Variants in TBC1D22A observed in about 807,000 individuals in gnomAD.
The protein encoded by TBC1D22A is putative GTPase activator.
A neutral mutation model predicts 60.2 loss-of-function variants in TBC1D22A; 38 were observed. That is an observed-to-expected ratio of 0.63 (90% CI 0.49 to 0.83). The LOEUF (loss-of-function observed/expected upper bound fraction) is 0.83, where lower values mean the gene tolerates loss of function less well. Ranked by LOEUF, TBC1D22A falls within the 40% of genes least tolerant of loss-of-function variation. The pLI, the probability that TBC1D22A is intolerant of heterozygous loss-of-function variation, is 0.00. For missense variants in TBC1D22A, 628 were observed against 701.0 expected, an observed-to-expected ratio of 0.90 and a Z score of 1.18; for synonymous variants, 302 against 281.7, an observed-to-expected ratio of 1.07 and a Z score of -0.72.
At chr22:47,017,507 G>T (rs936446667) in intron 10 of TBC1D22A, among the ~76,000 whole-genome samples, 10 of 152,068 alleles carry the variant, frequency 6.6e-5, no homozygotes, top group African/African-American at 2.2e-4. Context: ...GAGGAGGTGG[G>T]CTCTGGGCAC....
At chr22:46,984,475 T>C (rs1339003320) in intron 9 of TBC1D22A, among the ~76,000 whole-genome samples, 1 of 151,590 alleles carries the variant, frequency 6.6e-6, no homozygotes, top group Non-Finnish European at 1.5e-5. Flanking sequence ...TTGCCAGTCT[T>C]TTCATTTCAC....
At chr22:47,148,943 C>T (rs557649751) in intron 12 of TBC1D22A, among the ~76,000 whole-genome samples, 7 of 152,050 alleles carry the variant, frequency 4.6e-5, no homozygotes, top group Non-Finnish European at 8.8e-5. Context: ...TAGGGGGCCA[C>T]GGCTTCCCAT....
In TBC1D22A at chr22:47,045,022, C is replaced by T. The variant is rs895909761; in HGVS notation, c.1329+7824C>T. On this transcript the variant is annotated intron_variant, in intron 11 of 12. Transcript: ENST00000337137. ...AGGAAAGAATGACTCTCCAAGTGGGCGCTCGGGACCCCTGTCAGCCTCCAT... is the reference window on the plus strand; with the variant it reads ...AGGAAAGAATGACTCTCCAAGTGGGTGCTCGGGACCCCTGTCAGCCTCCAT... Among the ~76,000 whole-genome samples the T allele has an allele frequency of 3.3e-5, 5 of 152,332 alleles. No individual in the cohort carries two copies. In the East Asian group the frequency reaches 9.7e-4, roughly 29 times the overall value.
At chr22:46,765,796 C>G (rs911799618) in intron 1 of TBC1D22A, among the ~76,000 whole-genome samples, 1 of 74,328 alleles carries the variant, frequency 1.3e-5, no homozygotes, top group Non-Finnish European at 2.7e-5. Flanking sequence ...TTTTTTTTTT[C>G]TGAGACAAGA....
intron 2 of TBC1D22A, chr22:46,792,794 G>A: frequency 3.4e-6 from 5 of 1,456,690 alleles, no homozygotes; most frequent in Non-Finnish European, 4.5e-6. Flanking sequence ...GCCACAGCCT[G>A]ATGTGGGGAG....
At chr22:46,848,581 C>A (rs561652231) in intron 4 of TBC1D22A, among the ~76,000 whole-genome samples, 1 of 152,216 alleles carries the variant, frequency 6.6e-6, no homozygotes, top group Non-Finnish European at 1.5e-5. Flanking sequence ...AGACAGGAAT[C>A]CAGGTAGGCT....
At chr22:46,830,154 A>G (rs1035543052) in intron 4 of TBC1D22A, among the ~76,000 whole-genome samples, 13 of 152,212 alleles carry the variant, frequency 8.5e-5, no homozygotes, top group African/African-American at 3.1e-4. Flanking sequence ...TGTGGGCATC[A>G]GGCGTGCCGC....
chr22:47,066,424 AG>A (rs2063776055), intron 11 of TBC1D22A, among the ~76,000 whole-genome samples: 1 of 149,060 alleles, frequency 6.7e-6, no homozygotes, highest in Admixed American at 6.6e-5. Context: ...GGAGGGAGGG[AG>A]GGCCAAGCTT....
At chr22:47,037,635 A>T (rs2337166) in intron 11 of TBC1D22A, among the ~76,000 whole-genome samples, 83,578 of 152,058 alleles carry the variant, frequency 0.55, 25,490 homozygotes, top group Middle Eastern at 0.74. Context: ...CATCTCAAAA[A>T]ATAAATAAAT....
chr22:46,855,605 G>A (rs1040891060), intron 4 of TBC1D22A, among the ~76,000 whole-genome samples: 4 of 152,158 alleles, frequency 2.6e-5, no homozygotes, highest in African/African-American at 4.8e-5. Context: ...TCCCTTTCAC[G>A]GAGTAGCAGT....
intron 4 of TBC1D22A, among the ~76,000 whole-genome samples, chr22:46,832,389 G>A (rs927572838): frequency 6.6e-6 from 1 of 152,234 alleles, no homozygotes; most frequent in Non-Finnish European, 1.5e-5. Flanking sequence ...AGTGGCTCAC[G>A]CCTGTAATCC....
chr22:47,100,044 C>T lies in TBC1D22A; in HGVS notation c.1330-11464C>T, dbSNP rs891335961. On this transcript the variant is annotated intron_variant, in intron 11 of 12. Transcript: ENST00000337137. The stretch of plus-strand genomic sequence containing the variant: ...GTGGGTAGATGCTGACAGACAGAGC[C>T]AAGATTGCAGGTCAAAGGCAGTGTT... 7.9e-5 allele frequency among the ~76,000 whole-genome samples: 12 copies of T among 152,252 alleles called. No individual in the cohort carries two copies. The South Asian group carries it at 2.3e-3, about 29-fold the overall frequency.
intron 6 of TBC1D22A, among the ~76,000 whole-genome samples, chr22:46,892,315 A>C (rs1366314375): frequency 6.6e-6 from 1 of 152,084 alleles, no homozygotes; most frequent in Admixed American, 6.5e-5. Context: ...AAAAAGTCCA[A>C]ATATATGCCT....
intron 1 of TBC1D22A, among the ~76,000 whole-genome samples, chr22:46,779,986 GA>G (rs1232349470): frequency 6.6e-6 from 1 of 152,234 alleles, no homozygotes; most frequent in South Asian, 2.1e-4. Flanking sequence ...GGACGGAGGG[GA>G]TGGTGGAATT....
chr22:47,086,217 C>T (rs568651871), intron 11 of TBC1D22A, among the ~76,000 whole-genome samples: 1 of 152,290 alleles, frequency 6.6e-6, no homozygotes, highest in Non-Finnish European at 1.5e-5. Flanking sequence ...GTAATCCCAG[C>T]ACTTTGGGAG....
chr22:47,134,997 G>A (rs765403957), intron 12 of TBC1D22A, among the ~76,000 whole-genome samples: 4 of 152,170 alleles, frequency 2.6e-5, no homozygotes, highest in Non-Finnish European at 4.4e-5. Flanking sequence ...CCACTTACCC[G>A]CTCCCTCAGG....
At chr22:46,766,824 C>T (rs963839079) in intron 1 of TBC1D22A, among the ~76,000 whole-genome samples, 1 of 152,204 alleles carries the variant, frequency 6.6e-6, no homozygotes, top group African/African-American at 2.4e-5. Flanking sequence ...GCATGAGCCA[C>T]CGTGCCCGGC....
chr22:47,147,554 C>G (rs1233366277), intron 12 of TBC1D22A, among the ~76,000 whole-genome samples: 1 of 152,252 alleles, frequency 6.6e-6, no homozygotes, highest in African/African-American at 2.4e-5. Flanking sequence ...ACATAGTGCC[C>G]TCAGAGAGGC....
intron 8 of TBC1D22A, among the ~76,000 whole-genome samples, chr22:46,925,762 A>G (rs2071013434): frequency 6.6e-6 from 1 of 152,246 alleles, no homozygotes; most frequent in Admixed American, 6.5e-5. Flanking sequence ...GGCTAGAAAA[A>G]TGAGACAAAT....
Sources: allele counts gnomAD v4.1 joint callset (sites outside exome capture counted in the v4.1 genomes callset), GRCh38; gene constraint gnomAD v4.1.1; transcripts MANE v1.5; gene names NCBI Gene and HGNC (gene_info 2026-07-23, HGNC 2026-07-21).